OVOL2: variants seen among roughly 807,000 people sequenced by gnomAD.
OVOL2 encodes transcription factor Ovo-like 2.
Under a neutral mutation model 18.1 loss-of-function variants are expected in OVOL2, and 13 were observed. That is an observed-to-expected ratio of 0.72 (90% CI 0.47 to 1.14). The LOEUF (loss-of-function observed/expected upper bound fraction) is 1.14, where lower values mean the gene tolerates loss of function less well. Among genes scored for constraint, OVOL2 ranks in the 50% most tolerant of loss-of-function variants. The pLI is 0.00. For synonymous variants in OVOL2, 166 were observed against 162.7 expected (o/e 1.02, Z -0.16); for missense variants, 335 against 383.0 (o/e 0.87, Z 1.05).
intron 3 of OVOL2, among the ~76,000 whole-genome samples, chr20:18,039,607 CAAAA>C (rs111619803): frequency 1.1e-5 from 1 of 87,052 alleles, no homozygotes; most frequent in Non-Finnish European, 2.5e-5. Flanking sequence ...GACGCTGTCT[CAAAA>C]AAAAAAAAAA....
At chr20:18,040,421 A>T (rs2036658111) in intron 3 of OVOL2, among the ~76,000 whole-genome samples, 1 of 152,152 alleles carries the variant, frequency 6.6e-6, no homozygotes, top group Non-Finnish European at 1.5e-5. Context: ...GGGGATTTGA[A>T]GATGGGACCC....
rs746748414 is a variant in OVOL2, at chr20:18,041,740, G to T, written c.322-17C>A. ...TGTGGTGAACTGGGGGCAGAGAGAGGCCATGAGGGTCCCCGGGCAGGCAGG... is the reference window on the plus strand; with the variant it reads ...TGTGGTGAACTGGGGGCAGAGAGAGTCCATGAGGGTCCCCGGGCAGGCAGG... On this transcript the variant is annotated splice_polypyrimidine_tract_variant and intron_variant, in intron 2 of 3. Coordinates refer to ENST00000278780, the MANE Select transcript of OVOL2 (RefSeq NM_021220.4). 3.1e-6 allele frequency: 5 copies of T among 1,599,872 alleles called. No homozygotes were observed. The highest frequency in any genetic ancestry group is 4.3e-6 in the Non-Finnish European group (5 of 1,169,514).
At chr20:18,032,320 A>G (rs1187679213) in intron 3 of OVOL2, among the ~76,000 whole-genome samples, 1 of 147,150 alleles carries the variant, frequency 6.8e-6, no homozygotes, top group East Asian at 2.1e-4. Flanking sequence ...AGAGAGAGAG[A>G]AAGAAAGAGA....
intron 3 of OVOL2, among the ~76,000 whole-genome samples, chr20:18,040,815 G>C (rs6105861): frequency 0.14 from 20,838 of 152,154 alleles, 2,246 homozygotes; most frequent in African/African-American, 0.3. Flanking sequence ...TCCTTTTTGT[G>C]TCTCAGGAGG....
chr20:18,041,393 A>T (rs1310862365), intron 3 of OVOL2, 141 bp downstream of exon 3: 2 of 1,057,132 alleles, frequency 1.9e-6, no homozygotes, highest in East Asian at 5.5e-5. Context: ...TCAAACTCCT[A>T]ACCTCGTGAT....
chr20:18,028,174 T>TTTATC (rs2036536985), intron 3 of OVOL2, among the ~76,000 whole-genome samples: 1 of 151,892 alleles, frequency 6.6e-6, no homozygotes, highest in Non-Finnish European at 1.5e-5. Context: ...TTTTTAATAT[T>TTTATC]TTATTTTATT....
At chr20:18,057,983 G>T (rs1248155810), upstream of OVOL2, 1 of 765,994 alleles carries the variant, frequency 1.3e-6, no homozygotes, top group Non-Finnish European at 1.7e-6. The surrounding 1 kb of genome is among the most constrained non-coding windows in gnomAD (Gnocchi z 6.3). Context: ...ACCGGTTCCG[G>T]CGGCCGGGGC....
At chr20:18,031,135 C>T (rs1394262568) in intron 3 of OVOL2, among the ~76,000 whole-genome samples, 1 of 152,184 alleles carries the variant, frequency 6.6e-6, no homozygotes, top group African/African-American at 2.4e-5. Context: ...ACGTCATTAA[C>T]CTACTGACAC....
At position 18,041,596 on chromosome 20, in the gene OVOL2, G is replaced by T. The variant is rs1170540873; in HGVS notation, c.449C>A (p.Thr150Asn). The T allele has an allele frequency of 1.2e-6, 2 of 1,614,144 alleles. No individual in the cohort carries two copies. The highest frequency in any genetic ancestry group is 1.7e-6 in the Non-Finnish European group (2 of 1,180,016). Residue 150 changes from threonine (T) to asparagine (N), a missense_variant, in exon 3 of 4, where the codon ACC becomes AAC. Coordinates refer to ENST00000278780, the MANE Select transcript of OVOL2 (RefSeq NM_021220.4). ...CHNQVKRHLC[T>N]FCGKGFNDTF... ...GTCGTTGAAGCCCTTGCCGCAGAAG[G>T]TGCACAGGTGTCTTTTCACCTGGTT...
intron 3 of OVOL2, among the ~76,000 whole-genome samples, chr20:18,034,010 C>T (rs377544719): frequency 6.6e-6 from 1 of 152,174 alleles, no homozygotes; most frequent in African/African-American, 2.4e-5. Flanking sequence ...CATGTCCCCT[C>T]TCTCTATTTT....
chr20:18,057,766 C>G lies in OVOL2; in HGVS notation c.-132G>C. On this transcript the variant is annotated 5_prime_UTR_variant, in exon 1 of 4. Transcript: ENST00000278780. The surrounding 1 kb of genome is among the most constrained non-coding windows in gnomAD (Gnocchi z 6.3). ...CCGCCTCGCCTGCCCTCTTCCTCCA[C>G]CCCCCGCCGCGGCGCGGCCCAGGCC... The G allele has an allele frequency of 1.4e-6, 2 of 1,407,892 alleles. No individual in the cohort carries two copies. The highest frequency in any genetic ancestry group is 2.9e-5 in the East Asian group (1 of 35,068). 87.2% of individuals were successfully genotyped at this position (1,407,892 alleles called of 1,614,324 possible). A position where few individuals can be genotyped will look rare whatever the true frequency, so the allele number is the denominator to read the frequency against.
intron 3 of OVOL2, among the ~76,000 whole-genome samples, chr20:18,040,216 A>G (rs1350972913): frequency 6.6e-6 from 1 of 152,132 alleles, no homozygotes; most frequent in African/African-American, 2.4e-5. Flanking sequence ...GAGCCACTGC[A>G]CCCAGCCTGC....
chr20:18,026,570 A>G (rs999087133), intron 3 of OVOL2, among the ~76,000 whole-genome samples: 2 of 152,042 alleles, frequency 1.3e-5, no homozygotes, highest in Non-Finnish European at 2.9e-5. Context: ...TTTAGTAGAG[A>G]CGGGGTTTCA....
intron 3 of OVOL2, among the ~76,000 whole-genome samples, chr20:18,030,380 C>T (rs747814610): frequency 1.3e-5 from 2 of 152,184 alleles, no homozygotes; most frequent in East Asian, 3.8e-4. Flanking sequence ...TTTAAAACAT[C>T]CAAACTAAAA....
intron 3 of OVOL2, among the ~76,000 whole-genome samples, chr20:18,026,527 A>G (rs927579704): frequency 6.6e-5 from 10 of 151,644 alleles, no homozygotes; most frequent in South Asian, 4.2e-4. Flanking sequence ...AACTACAGGC[A>G]CCCGCCACCA....
At position 18,056,815 on chromosome 20, in the gene OVOL2, T is replaced by C; in HGVS notation, c.163A>G (p.Ser55Gly). ...CCCGCGCTGCTGCTGCCGCTGCCGC[T>C]GCTGCTGCCGCCGTCGCTGCGGCAG... Reference protein sequence around the residue: ...EDCRSDGGSSSGSGSSSAGEP... With the variant: ...EDCRSDGGSSGGSGSSSAGEP... The change falls in exon 2 of 4, where the codon AGC becomes GGC. Residue 55 changes from serine (S) to glycine (G), a missense_variant. Transcript: ENST00000278780. The surrounding 1 kb of genome is among the most constrained non-coding windows in gnomAD (Gnocchi z 4.2). The C allele has an allele frequency of 6.7e-7, 1 of 1,490,766 alleles. No homozygotes were observed. The highest frequency in any genetic ancestry group is 2.2e-5 in the Admixed American group (1 of 44,806). 92.3% of individuals were successfully genotyped at this position (1,490,766 alleles called of 1,614,324 possible).
At position 18,057,648 on chromosome 20, in the gene OVOL2, C is replaced by G; in HGVS notation, c.-14G>C. The G allele has an allele frequency of 1.9e-6, 3 of 1,558,530 alleles. No homozygotes were observed. In the Middle Eastern group the frequency reaches 5.0e-4, roughly 262 times the overall value. On this transcript the variant is annotated 5_prime_UTR_variant, in exon 1 of 4. Transcript: ENST00000278780. The surrounding 1 kb of genome is among the most constrained non-coding windows in gnomAD (Gnocchi z 6.3). ...GACTTTGGGCATGGTGGGGTCCCCTCTCCCGACTGCGGCCCCCTCCTCCCG... is the reference window on the plus strand; with the variant it reads ...GACTTTGGGCATGGTGGGGTCCCCTGTCCCGACTGCGGCCCCCTCCTCCCG...
chr20:18,057,976 G>T (rs2036846766), upstream of OVOL2: 1 of 878,182 alleles, frequency 1.1e-6, no homozygotes, highest in Non-Finnish European at 1.4e-6. The surrounding 1 kb of genome is among the most constrained non-coding windows in gnomAD (Gnocchi z 6.3). Flanking sequence ...CTGTCCGACC[G>T]GTTCCGGCGG....
chr20:18,033,586 C>G (rs1025868521), intron 3 of OVOL2, among the ~76,000 whole-genome samples: 1 of 152,154 alleles, frequency 6.6e-6, no homozygotes, highest in Non-Finnish European at 1.5e-5. Context: ...TACAAATGAG[C>G]AAAATAAAAC....
Sources: gnomAD v4.1 joint callset for allele counts (sites outside exome capture counted in the v4.1 genomes callset) on GRCh38, gnomAD v4.1.1 for gene constraint, Gnocchi (gnomAD v3.1) non-coding constraint, MANE v1.5 for transcripts, NCBI Gene and HGNC (gene_info 2026-07-23, HGNC 2026-07-21) for gene names.